The following TRPM1 variants were observed in gnomAD, a reference collection of about 807,000 sequenced individuals.
TRPM1 encodes the protein TRPM1-203 APA Isoform, Intron 10.
Under a neutral mutation model 149.4 loss-of-function variants are expected in TRPM1, and 113 were observed. That is an observed-to-expected ratio of 0.76 (90% CI 0.65 to 0.88). TRPM1 has a LOEUF of 0.88. Ranked by LOEUF, TRPM1 falls within the 40% of genes least tolerant of loss-of-function variation. The pLI is 0.00. For missense variants in TRPM1, 1,976 were observed against 2,038.7 expected (o/e 0.97, Z 0.59); for synonymous variants, 741 against 759.5 (o/e 0.98, Z 0.40).
At chr15:31,069,009 A>G (rs2034457670) in intron 4 of TRPM1, among the ~76,000 whole-genome samples, 1 of 152,238 alleles carries the variant, frequency 6.6e-6, no homozygotes, top group African/African-American at 2.4e-5. Flanking sequence ...TGAATTTTAG[A>G]GGAACAATGA....
intron 11 of TRPM1, among the ~76,000 whole-genome samples, chr15:31,053,925 A>T (rs1041331653): frequency 1.3e-5 from 2 of 152,228 alleles, no homozygotes; most frequent in Admixed American, 1.3e-4. Flanking sequence ...AATTCTGACA[A>T]ATGCTACAAC....
intron 1 of TRPM1, among the ~76,000 whole-genome samples, chr15:31,088,710 T>C (rs1311824515): frequency 2.0e-5 from 3 of 151,816 alleles, no homozygotes; most frequent in East Asian, 1.9e-4. Flanking sequence ...GGGGCCGTCG[T>C]ATGAGATTGA....
At chr15:31,060,472 G>A in intron 11 of TRPM1, 72 bp downstream of exon 11, 1 of 1,270,538 alleles carries the variant, frequency 7.9e-7, no homozygotes, top group Non-Finnish European at 1.1e-6. Context: ...CATGTCACAA[G>A]GGAGAACATA....
intron 27 of TRPM1, among the ~76,000 whole-genome samples, chr15:31,022,070 TGGA>T (rs2032568817): frequency 1.3e-5 from 2 of 152,226 alleles, no homozygotes; most frequent in African/African-American, 4.8e-5. Context: ...GAAAACACAC[TGGA>T]TAACATAATT....
chr15:31,121,223 C>CAAAAAAAA (rs71420549), intron 1 of TRPM1, among the ~76,000 whole-genome samples: 3 of 59,356 alleles, frequency 5.1e-5, no homozygotes, highest in Admixed American at 2.1e-4. Flanking sequence ...GACTCCATCT[C>CAAAAAAAA]AAAAAAAAAA....
chr15:31,133,480 G>A (rs903780939), intron 1 of TRPM1, among the ~76,000 whole-genome samples: 3 of 152,148 alleles, frequency 2.0e-5, no homozygotes, highest in African/African-American at 7.2e-5. Flanking sequence ...CAGATCACTT[G>A]AGGTCAGGAG....
At chr15:31,026,080 G>A in intron 27 of TRPM1, 59 bp downstream of exon 27, 2 of 1,604,024 alleles carry the variant, frequency 1.2e-6, no homozygotes, top group East Asian at 2.2e-5. Context: ...CCATAGAGTG[G>A]GGCGCCCGAG....
At chr15:31,110,495 G>T (rs1409496195) in intron 1 of TRPM1, among the ~76,000 whole-genome samples, 1 of 152,160 alleles carries the variant, frequency 6.6e-6, no homozygotes, top group Non-Finnish European at 1.5e-5. Context: ...TATTTGGAAC[G>T]TGGGTCTTGG....
intron 20 of TRPM1, among the ~76,000 whole-genome samples, chr15:31,036,268 T>G (rs2033364641): frequency 6.6e-6 from 1 of 150,742 alleles, no homozygotes. Context: ...AAGCGGGGAG[T>G]TAAGGGGTTG....
At chr15:31,063,481 A>G (rs1413694026) in intron 7 of TRPM1, among the ~76,000 whole-genome samples, 189 bp from the exon 8 acceptor site, 1 of 152,070 alleles carries the variant, frequency 6.6e-6, no homozygotes, top group East Asian at 1.9e-4. Flanking sequence ...TTTTTGAGAC[A>G]GAATCACACT....
upstream of TRPM1, among the ~76,000 whole-genome samples, chr15:31,105,458 TGTGTGTGTGTGTGTGC>T (rs1252061236): frequency 8.5e-4 from 74 of 86,676 alleles, no homozygotes; most frequent in African/African-American, 3.2e-3. Flanking sequence ...TGTGTGTGTG[TGTGTGTGTGTGTGTGC>T]GCGCGCGCGC....
chr15:31,015,101 T>C (rs1349876866), intron 27 of TRPM1, among the ~76,000 whole-genome samples: 1 of 152,056 alleles, frequency 6.6e-6, no homozygotes, highest in Non-Finnish European at 1.5e-5. Context: ...ATAATTTCAT[T>C]TAATATTAAA....
At chr15:31,055,135 T>C (rs990908912) in intron 11 of TRPM1, among the ~76,000 whole-genome samples, 2 of 152,226 alleles carry the variant, frequency 1.3e-5, no homozygotes, top group African/African-American at 2.4e-5. Context: ...AGATAGACTA[T>C]AGATTCACAG....
intron 20 of TRPM1, 36 bp from the exon 21 acceptor site, chr15:31,035,710 G>A: frequency 1.2e-6 from 2 of 1,614,006 alleles, no homozygotes; most frequent in East Asian, 2.2e-5. Context: ...GTGTTTGGGG[G>A]AATCACATAG....
intron 22 of TRPM1, 97 bp from the exon 23 acceptor site, chr15:31,031,254 GTGCT>G (rs1385408027): frequency 1.5e-6 from 2 of 1,370,732 alleles, no homozygotes; most frequent in Non-Finnish European, 1.0e-6. Flanking sequence ...CACTTCACGA[GTGCT>G]TAATTAGGAC....
Position 31,050,516 on chromosome 15 carries a change from C to A in TRPM1, c.1330G>T (p.Ala444Ser), listed in dbSNP as rs1242157849. The A allele has an allele frequency of 6.2e-7, 1 of 1,614,112 alleles. No homozygotes were observed. The highest frequency in any genetic ancestry group is 1.7e-5 in the Admixed American group (1 of 60,012). The change falls in exon 12 of 28, where the codon GCC becomes TCC. Residue 444 changes from alanine to serine, a missense_variant. Ala to Ser is a moderately conservative substitution (Grantham distance 99). This residue lies in a region of TRPM1 where 1,332 missense variants were observed against 1,347.1 expected (regional missense o/e 0.99). Transcript: ENST00000256552. ...TTTCCTCTTCCTCCCTTGGTGGTGG[C>A]CATGGGTGGCTTCTTCTCCTTCTCC... Reference protein sequence around the residue: ...ATEKEKKPPMATTKGGRGKGK... With the variant: ...ATEKEKKPPMSTTKGGRGKGK...
intron 13 of TRPM1, among the ~76,000 whole-genome samples, chr15:31,048,266 A>C (rs1170319214): frequency 1.3e-5 from 2 of 151,868 alleles, no homozygotes; most frequent in African/African-American, 4.8e-5. Context: ...TCTAAGAATG[A>C]ATAAATAAAT....
At chr15:31,021,317 C>A (rs1045171831) in intron 27 of TRPM1, among the ~76,000 whole-genome samples, 12 of 152,184 alleles carry the variant, frequency 7.9e-5, no homozygotes, top group Middle Eastern at 3.2e-3. Flanking sequence ...CCATTACCAG[C>A]CATTTCTCTT....
Position 31,047,212 on chromosome 15 carries a change from T to C in TRPM1, c.1663A>G (p.Ile555Val). 1 of 1,614,186 alleles carries C rather than the reference T, an allele frequency of 6.2e-7. No homozygotes were observed. The highest frequency in any genetic ancestry group is 8.5e-7 in the Non-Finnish European group (1 of 1,180,032). ...PPDYHISLID[I>V]GLVLEYLMGG... The stretch of plus-strand genomic sequence containing the variant: ...ATGAGGTACTCCAGCACGAGCCCGA[T>C]GTCTATGAGGCTGATGTGGTAATCA... The change falls in exon 15 of 28, where the codon ATC becomes GTC. Residue 555 changes from isoleucine to valine, a missense_variant. Physicochemically the swap from Ile to Val is conservative, Grantham distance 29. This residue lies in a region of TRPM1 where 1,332 missense variants were observed against 1,347.1 expected (regional missense o/e 0.99). Coordinates refer to ENST00000256552, the MANE Select transcript of TRPM1 (RefSeq NM_001252024.2).
Sources: allele counts gnomAD v4.1 joint callset (sites outside exome capture counted in the v4.1 genomes callset), GRCh38; gene constraint gnomAD v4.1.1; regional missense constraint gnomAD v4.1.1; transcripts MANE v1.5; gene names NCBI Gene and HGNC (gene_info 2026-07-23, HGNC 2026-07-21).